The following SUCO variants were observed in gnomAD, a reference collection of about 807,000 sequenced individuals.
SUCO encodes the protein SUN domain containing ossification factor.
In SUCO, 57 loss-of-function variants were observed where a neutral mutation model predicts 148.1. The ratio of observed to expected loss-of-function variants is 0.38; its 90% CI spans 0.31 to 0.48. The LOEUF (loss-of-function observed/expected upper bound fraction) is 0.48, where lower values mean the gene tolerates loss of function less well. Ranked by LOEUF, SUCO falls within the 20% of genes least tolerant of loss-of-function variation. SUCO has a pLI of 0.96. For missense variants in SUCO, 1,331 were observed against 1,468.2 expected (o/e 0.91, Z 1.53); for synonymous variants, 470 against 502.7 (o/e 0.93, Z 0.87).
chr1:172,533,490 C>G lies in SUCO; in HGVS notation c.55C>G (p.Leu19Val). 1.9e-6 allele frequency: 3 copies of G among 1,560,064 alleles called. No individual in the cohort carries two copies. Among genetic ancestry groups the G allele is most frequent in the East Asian group, 2.4e-5 (1 of 42,160 alleles). Residue 19 changes from leucine (L) to valine (V), a missense_variant, in exon 1 of 24, where the codon CTG becomes GTG. Around this residue, in one of 3 missense-constraint regions of SUCO, gnomAD observed 992 missense variants for 1,093.5 expected, o/e 0.91. Transcript: ENST00000263688. ...GGTCTCCTGCCTCTTTCTGTGCTCT[C>G]TGGTCTGGTGAGTAGCCGCGACGAC... ...ALVSCLFLCSLVWLPSWRVCC... is the reference protein window; with the variant it reads ...ALVSCLFLCSVVWLPSWRVCC...
At chr1:172,588,234 T>C in intron 17 of SUCO, 5 of 985,340 alleles carry the variant, frequency 5.1e-6, no homozygotes, top group Non-Finnish European at 6.0e-6. Flanking sequence ...AGAAAAATTA[T>C]GTTTGAGACC....
intron 2 of SUCO, chr1:172,552,643 G>A (rs970170494): frequency 1.7e-5 from 17 of 980,116 alleles, no homozygotes; most frequent in Admixed American, 1.2e-4. Flanking sequence ...AAGACTTGCC[G>A]CATATCTCAA....
chr1:172,535,436 G>T (rs1451367050), intron 1 of SUCO, among the ~76,000 whole-genome samples: 1 of 152,202 alleles, frequency 6.6e-6, no homozygotes, highest in Non-Finnish European at 1.5e-5. Flanking sequence ...TGATGAATGA[G>T]ATTGGGGAAG....
rs746961660 is a variant in SUCO at position 172,600,120 on chromosome 1, A to G, written c.2970A>G (p.Thr990=). The change falls in exon 20 of 24, where the codon ACA becomes ACG. Residue 990 remains threonine, a synonymous_variant. Transcript: ENST00000263688. ...TACAGGCACAGCTGACCAACATGAC[A>G]CAGCTTGTTTCAAATTTATCAGCAA... The part of the protein sequence containing the change: ...QLLQAQLTNM[T]QLVSNLSATV... 1.9e-6 allele frequency: 3 copies of G among 1,611,814 alleles called. No homozygotes were observed. The South Asian group carries it at 3.3e-5, about 18-fold the overall frequency.
chr1:172,589,135 G>A lies in SUCO; in HGVS notation c.2034G>A (p.Leu678=). 1 of 1,613,698 alleles carries A rather than the reference G, an allele frequency of 6.2e-7. No individual in the cohort carries two copies. Among genetic ancestry groups the A allele is most frequent in the Non-Finnish European group, 8.5e-7 (1 of 1,179,814 alleles). ...CGGAATCAGTAGATGTTTCAGTATT[G>A]CAACCTCTGAGTGGAGAATTGGAAA... ...LPAESVDVSV[L]QPLSGELENT... The change falls in exon 18 of 24, where the codon TTG becomes TTA. Residue 678 remains leucine (L), a synonymous_variant. Transcript: ENST00000263688.
intron 6 of SUCO, among the ~76,000 whole-genome samples, chr1:172,566,852 G>C (rs567357528): frequency 1.3e-5 from 2 of 152,294 alleles, no homozygotes; most frequent in South Asian, 4.1e-4. Flanking sequence ...TTTTATGTGG[G>C]CATGCATATG....
rs1221319638 is a variant in SUCO at position 172,533,377 on chromosome 1, G to C, written c.-59G>C. On this transcript the variant is annotated 5_prime_UTR_variant, in exon 1 of 24. Coordinates refer to ENST00000263688, the MANE Select transcript of SUCO (RefSeq NM_014283.5). The stretch of plus-strand genomic sequence containing the variant: ...CTCCGGCTCCTCCATCTTGGCCTCG[G>C]CAGTGGCGGCTGCCGGGAGGATGTG... 1 of 1,551,696 alleles carries C rather than the reference G, an allele frequency of 6.4e-7. No individual in the cohort carries two copies. Among genetic ancestry groups the C allele is most frequent in the Non-Finnish European group, 8.7e-7 (1 of 1,147,126 alleles).
intron 10 of SUCO, among the ~76,000 whole-genome samples, chr1:172,574,517 TG>T (rs1392798612): frequency 6.6e-6 from 1 of 151,990 alleles, no homozygotes; most frequent in African/African-American, 2.4e-5. Context: ...AACTGCATTT[TG>T]TCAACCAGAG....
Position 172,555,411 on chromosome 1 carries a change from A to G in SUCO, c.289-458A>G. 4 of 985,362 alleles carry G rather than the reference A, an allele frequency of 4.1e-6. No individual in the cohort carries two copies. The South Asian group carries it at 1.9e-4, about 46-fold the overall frequency. 61.0% of individuals were successfully genotyped at this position (985,362 alleles called of 1,614,324 possible). A position where few individuals can be genotyped will look rare whatever the true frequency, so the allele number is the denominator to read the frequency against. The stretch of plus-strand genomic sequence containing the variant: ...GGCCCAGGTCATTCAAGACTGAAGG[A>G]GCAGTAAGAATCATTTATTGCTTCA... On this transcript the variant is annotated intron_variant, in intron 3 of 23. Transcript: ENST00000263688.
Position 172,608,687 on chromosome 1 carries a change from A to G in SUCO, c.3266-60A>G, listed in dbSNP as rs1658010431. The G allele has an allele frequency of 3.9e-5, 44 of 1,131,168 alleles. No individual in the cohort carries two copies. In the South Asian group the frequency reaches 5.8e-4, roughly 15 times the overall value. 70.1% of individuals were successfully genotyped at this position (1,131,168 alleles called of 1,614,324 possible). ...TTGTCTTATTTTAGTGTTTAATTAT[A>G]GCAAATCCACCAAATCCACTTTACA... On this transcript the variant is annotated intron_variant, in intron 22 of 23. Transcript: ENST00000263688.
At chr1:172,552,976 G>A (rs1653415511) in intron 2 of SUCO, among the ~76,000 whole-genome samples, 1 of 152,052 alleles carries the variant, frequency 6.6e-6, no homozygotes, top group Non-Finnish European at 1.5e-5. Flanking sequence ...ATTCATTGGA[G>A]TTTTACTAGG....
intron 19 of SUCO, among the ~76,000 whole-genome samples, chr1:172,598,192 T>C (rs1657260037): frequency 6.6e-6 from 1 of 152,198 alleles, no homozygotes; most frequent in Non-Finnish European, 1.5e-5. Flanking sequence ...TCTAGAATCA[T>C]TCGTTGGAAT....
intron 7 of SUCO, 192 bp downstream of exon 7, chr1:172,569,334 T>G (rs1230995131): frequency 1.1e-6 from 1 of 917,520 alleles, no homozygotes; most frequent in Non-Finnish European, 1.3e-6. Flanking sequence ...AGTTTTAGTT[T>G]TAATTAAAAT....
At chr1:172,558,085 T>C (rs771722587) in intron 6 of SUCO, among the ~76,000 whole-genome samples, 15 of 152,218 alleles carry the variant, frequency 9.9e-5, no homozygotes, top group Non-Finnish European at 1.9e-4. Context: ...AGTCCTTATT[T>C]AATCATCTTC....
At chr1:172,609,280 C>A (rs1286857874) in intron 23 of SUCO, 1 of 984,826 alleles carries the variant, frequency 1.0e-6, no homozygotes, top group Non-Finnish European at 1.2e-6. Flanking sequence ...GCTTCAAAGT[C>A]TTTGCTTTTT....
intron 15 of SUCO, among the ~76,000 whole-genome samples, chr1:172,584,771 G>A (rs908039937): frequency 1.3e-5 from 2 of 152,100 alleles, no homozygotes; most frequent in African/African-American, 4.8e-5. Context: ...GCAAGACTCC[G>A]TCTCCAAAAC....
intron 15 of SUCO, among the ~76,000 whole-genome samples, chr1:172,581,256 T>C (rs1373391973): frequency 6.6e-6 from 1 of 152,196 alleles, no homozygotes; most frequent in Non-Finnish European, 1.5e-5. Flanking sequence ...TGAAGGTATA[T>C]CACTTAATTT....
chr1:172,570,140 C>T lies in SUCO; in HGVS notation c.950C>T (p.Ala317Val). The T allele has an allele frequency of 6.3e-7, 1 of 1,584,762 alleles. No homozygotes were observed. Among genetic ancestry groups the T allele is most frequent in the South Asian group, 1.2e-5 (1 of 85,286 alleles). The change falls in exon 8 of 24, where the codon GCC becomes GTC. Residue 317 changes from alanine (A) to valine (V), a missense_variant. By Grantham distance (64) the Ala-to-Val change is moderately conservative. Transcript: ENST00000263688. ...AATTATGCCTCAGTAGAATGTGGTG[C>T]CAAAATTCTAGCAGCTAATCCAGAA... Reference protein sequence around the residue: ...RNNYASVECGAKILAANPEAK... With the variant: ...RNNYASVECGVKILAANPEAK...
At chr1:172,532,975 G>C (rs550143617), upstream of SUCO, 3 of 1,380,762 alleles carry the variant, frequency 2.2e-6, no homozygotes, top group South Asian at 3.0e-5. Context: ...GGCGTGGCCT[G>C]CGCAGAGGCT....
Sources: gnomAD v4.1 joint callset for allele counts (sites outside exome capture counted in the v4.1 genomes callset) on GRCh38, gnomAD v4.1.1 for gene constraint, gnomAD v4.1.1 regional missense constraint, MANE v1.5 for transcripts, NCBI Gene and HGNC (gene_info 2026-07-23, HGNC 2026-07-21) for gene names.